CTNND2: variants seen among roughly 807,000 people sequenced by gnomAD.
CTNND2 encodes the protein catenin delta-2.
A neutral mutation model predicts 144.4 loss-of-function variants in CTNND2; 22 were observed. That is an observed-to-expected ratio of 0.15 (90% CI 0.11 to 0.22). The LOEUF (loss-of-function observed/expected upper bound fraction) is 0.22. Ranked by LOEUF, CTNND2 falls within the 10% of genes least tolerant of loss-of-function variation. The pLI, the probability that CTNND2 is intolerant of heterozygous loss-of-function variation, is 1.00. For synonymous variants in CTNND2, 751 were observed against 695.6 expected (o/e 1.08, Z -1.25); for missense variants, 1,353 against 1,618.8 (o/e 0.84, Z 2.82).
At chr5:11,404,599 A>ATTTTTTTTTTTTTTTTTTTTT (rs1405789135) in intron 5 of CTNND2, among the ~76,000 whole-genome samples, 3 of 32,770 alleles carry the variant, frequency 9.2e-5, no homozygotes, top group Non-Finnish European at 2.9e-4. Context: ...CAGTATCTGT[A>ATTTTTTTTTTTTTTTTTTTTT]TTCTTTTTTT....
intron 2 of CTNND2, among the ~76,000 whole-genome samples, chr5:11,584,445 CTAG>C (rs1272716873): frequency 6.7e-6 from 1 of 148,360 alleles, no homozygotes; most frequent in Non-Finnish European, 1.5e-5. Context: ...GAGGAGGAAG[CTAG>C]TACTGTTTAA....
intron 3 of CTNND2, among the ~76,000 whole-genome samples, chr5:11,526,423 T>C (rs1334535677): frequency 1.3e-5 from 2 of 152,152 alleles, no homozygotes; most frequent in Non-Finnish European, 2.9e-5. Flanking sequence ...CCGGAACCTA[T>C]CGATGACGTT....
intron 1 of CTNND2, among the ~76,000 whole-genome samples, chr5:11,852,161 C>A (rs560407939): frequency 6.5e-4 from 99 of 152,208 alleles, no homozygotes; most frequent in Admixed American, 1.1e-3. Context: ...CACTGTAGGC[C>A]ATGGTATCAC....
At chr5:11,719,140 C>T (rs760424880) in intron 2 of CTNND2, among the ~76,000 whole-genome samples, 1 of 152,124 alleles carries the variant, frequency 6.6e-6, no homozygotes, top group Admixed American at 6.6e-5. Flanking sequence ...TAACCAAGGC[C>T]GTTCAGTAAG....
At chr5:11,638,585 G>C (rs1363708588) in intron 2 of CTNND2, among the ~76,000 whole-genome samples, 1 of 151,996 alleles carries the variant, frequency 6.6e-6, no homozygotes, top group Non-Finnish European at 1.5e-5. Flanking sequence ...CAGAACCATG[G>C]ACTCCCACCC....
At chr5:11,759,892 A>C (rs1789159991) in intron 1 of CTNND2, among the ~76,000 whole-genome samples, 1 of 151,732 alleles carries the variant, frequency 6.6e-6, no homozygotes, top group African/African-American at 2.4e-5. Context: ...TACTGTTTGA[A>C]CTCACATGGC....
chr5:11,500,379 G>A (rs910305023), intron 3 of CTNND2, among the ~76,000 whole-genome samples: 1 of 152,050 alleles, frequency 6.6e-6, no homozygotes, highest in Non-Finnish European at 1.5e-5. Flanking sequence ...ATCCCTTTCA[G>A]AATTGAGGTA....
At chr5:11,593,120 T>G (rs1028670881) in intron 2 of CTNND2, among the ~76,000 whole-genome samples, 1 of 152,112 alleles carries the variant, frequency 6.6e-6, no homozygotes, top group Non-Finnish European at 1.5e-5. Flanking sequence ...ATGAAAATGC[T>G]TATATGCAGC....
intron 2 of CTNND2, among the ~76,000 whole-genome samples, chr5:11,673,990 G>A (rs1784038744): frequency 6.6e-6 from 1 of 152,154 alleles, no homozygotes; most frequent in Non-Finnish European, 1.5e-5. Flanking sequence ...TTTTAAATAT[G>A]AAGCCGAATT....
At chr5:10,993,204 C>T (rs955618144) in intron 18 of CTNND2, among the ~76,000 whole-genome samples, 3 of 152,150 alleles carry the variant, frequency 2.0e-5, no homozygotes, top group Admixed American at 1.3e-4. Context: ...AGCTGGTCTG[C>T]TCCAGGAATG....
At chr5:11,073,624 C>T (rs1473779156) in intron 16 of CTNND2, among the ~76,000 whole-genome samples, 5 of 152,200 alleles carry the variant, frequency 3.3e-5, no homozygotes, top group African/African-American at 1.2e-4. Context: ...CCCGACCCAG[C>T]TGCCAAAATT....
chr5:11,626,941 C>T (rs1002668978), intron 2 of CTNND2, among the ~76,000 whole-genome samples: 5 of 152,146 alleles, frequency 3.3e-5, no homozygotes, highest in African/African-American at 1.2e-4. Flanking sequence ...GAGGCTCTCT[C>T]ACTCTTTCTG....
intron 3 of CTNND2, among the ~76,000 whole-genome samples, chr5:11,446,492 C>T (rs2149903363): frequency 6.6e-6 from 1 of 152,292 alleles, no homozygotes; most frequent in South Asian, 2.1e-4. Context: ...ATTTGCTATG[C>T]TCACAATTCC....
chr5:11,695,351 T>TGAGG (rs1186972251), intron 2 of CTNND2, among the ~76,000 whole-genome samples: 1 of 152,164 alleles, frequency 6.6e-6, no homozygotes, highest in African/African-American at 2.4e-5. Context: ...TGGCAAGCAA[T>TGAGG]GAGGGGAAAA....
At chr5:11,694,495 T>A (rs750444049) in intron 2 of CTNND2, among the ~76,000 whole-genome samples, 12 of 151,432 alleles carry the variant, frequency 7.9e-5, no homozygotes, top group Non-Finnish European at 1.3e-4. Flanking sequence ...CCAACTAGAC[T>A]ATGAAAAGGG....
intron 2 of CTNND2, among the ~76,000 whole-genome samples, chr5:11,707,260 G>A (rs914380292): frequency 6.6e-6 from 1 of 152,148 alleles, no homozygotes; most frequent in Non-Finnish European, 1.5e-5. Flanking sequence ...ATAAGAAAGT[G>A]AGAACTAGGT....
intron 9 of CTNND2, among the ~76,000 whole-genome samples, chr5:11,282,159 C>T (rs1747213888): frequency 6.6e-6 from 1 of 152,004 alleles, no homozygotes; most frequent in Non-Finnish European, 1.5e-5. Context: ...CATTCAGGGA[C>T]AGGGCCATGG....
intron 3 of CTNND2, among the ~76,000 whole-genome samples, chr5:11,453,751 C>A (rs1382268020): frequency 6.6e-6 from 1 of 152,122 alleles, no homozygotes. Flanking sequence ...TTTTGCTTTG[C>A]ATCAGATAAA....
intron 9 of CTNND2, among the ~76,000 whole-genome samples, chr5:11,241,363 A>G (rs1742431627): frequency 6.6e-6 from 1 of 152,186 alleles, no homozygotes; most frequent in South Asian, 2.1e-4. Flanking sequence ...AAGGGAGTGA[A>G]GGAGAAAAAG....
Sources: gnomAD v4.1 joint callset for allele counts (sites outside exome capture counted in the v4.1 genomes callset) on GRCh38, gnomAD v4.1.1 for gene constraint, MANE v1.5 for transcripts, NCBI Gene and HGNC (gene_info 2026-07-23, HGNC 2026-07-21) for gene names.